Variants in CCL3 observed in about 807,000 individuals in gnomAD.
CCL3 encodes the protein C-C motif chemokine ligand 3.
In CCL3, 6 loss-of-function variants were observed where a neutral mutation model predicts 8.1. The observed-to-expected ratio is 0.74, with a 90% CI of 0.41 to 1.46. CCL3 has a LOEUF of 1.46. CCL3 is among the 40% of genes most tolerant of loss of function. CCL3 has a pLI of 0.02. For missense variants in CCL3, 109 were observed against 117.7 expected, an observed-to-expected ratio of 0.93 and a Z score of 0.34; for synonymous variants, 45 against 45.1, an observed-to-expected ratio of 1.00 and a Z score of 0.01.
chr17:36,089,047 C>T, intron 2 of CCL3, 136 bp downstream of exon 2: 1 of 1,185,990 alleles, frequency 8.4e-7, no homozygotes, highest in East Asian at 2.4e-5. Context: ...TCAGGTCACA[C>T]CTCGGAGCCC....
chr17:36,089,868 T>C (rs113574670), intron 1 of CCL3, 118 bp downstream of exon 1: 1 of 959,140 alleles, frequency 1.0e-6, no homozygotes, highest in Admixed American at 2.0e-5. Context: ...ACCAAGATGT[T>C]TGGCAGCCCT....
At chr17:36,089,863 G>C (rs2067028756) in intron 1 of CCL3, 123 bp downstream of exon 1, 1 of 918,068 alleles carries the variant, frequency 1.1e-6, no homozygotes, top group Non-Finnish European at 1.8e-6. Context: ...GAAAGACCAA[G>C]ATGTTTGGCA....
chr17:36,089,223 A>G lies in CCL3; in HGVS notation c.148T>C (p.Tyr50His), dbSNP rs760328226. The G allele has an allele frequency of 1.2e-6, 2 of 1,614,034 alleles. No individual in the cohort carries two copies. Among genetic ancestry groups the G allele is most frequent in the East Asian group, 4.5e-5 (2 of 44,886 alleles). ...RQIPQNFIAD[Y>H]FETSSQCSKP... The stretch of plus-strand genomic sequence containing the variant: ...GAGCACTGGCTGCTCGTCTCAAAGT[A>G]GTCAGCTATGAAATTCTGTGGAATC... The change falls in exon 2 of 3, where the codon TAC becomes CAC. Residue 50 changes from tyrosine (Y) to histidine (H), a missense_variant. Tyr to His is a moderately conservative substitution (Grantham distance 83, BLOSUM62 2). Coordinates refer to ENST00000613922, the MANE Select transcript of CCL3 (RefSeq NM_002983.3).
chr17:36,089,447 G>T, intron 1 of CCL3, 150 bp from the exon 2 acceptor site: 1 of 816,732 alleles, frequency 1.2e-6, no homozygotes, highest in Non-Finnish European at 2.0e-6. Context: ...ATGTCTCTTT[G>T]TTTCTGTCTG....
rs1289269641 is a variant in CCL3 at position 36,088,361 on chromosome 17, T to G, written c.*311A>C. On this transcript the variant is annotated 3_prime_UTR_variant, in exon 3 of 3. Coordinates refer to ENST00000613922, the MANE Select transcript of CCL3 (RefSeq NM_002983.3). ...AGTCTGGTGGCTTTGGTGCCATGACTGCCTACACAGGCTGATGACAGCCAC... is the reference window on the plus strand; with the variant it reads ...AGTCTGGTGGCTTTGGTGCCATGACGGCCTACACAGGCTGATGACAGCCAC... 7 of 409,774 alleles carry G rather than the reference T, an allele frequency of 1.7e-5. No individual in the cohort carries two copies. The East Asian group carries it at 3.5e-4, about 20-fold the overall frequency. 25.4% of individuals were successfully genotyped at this position (409,774 alleles called of 1,614,324 possible). A position where few individuals can be genotyped will look rare whatever the true frequency, so the allele number is the denominator to read the frequency against.
In CCL3 at chr17:36,088,733, C is replaced by G. The variant is rs147323689; in HGVS notation, c.218G>C (p.Cys73Ser). The G allele has an allele frequency of 3.4e-5, 55 of 1,613,890 alleles. No homozygotes were observed. The African/African-American group carries it at 6.8e-4, about 20-fold the overall frequency. Residue 73 changes from cysteine to serine, a missense_variant, in exon 3 of 3, where the codon TGT becomes TCT. Physicochemically the swap from Cys to Ser is moderately radical, Grantham distance 112 (BLOSUM62 -1). Coordinates refer to ENST00000613922, the MANE Select transcript of CCL3 (RefSeq NM_002983.3). ...GACCCACTCCTCACTGGGGTCAGCA[C>G]AGACCTGCCGGCTTCGCTTGGTTAG... ...IFLTKRSRQV[C>S]ADPSEEWVQK...
At position 36,088,615 on chromosome 17, in the gene CCL3, C is replaced by G. The variant is rs2067007973; in HGVS notation, c.*57G>C. ...CACGCATGTTCCCAAGGCTCAGGCT[C>G]CTGCTCCTCCCCACTGGGCCCACCG... On this transcript the variant is annotated 3_prime_UTR_variant, in exon 3 of 3. Transcript: ENST00000613922. 6.3e-7 allele frequency: 1 copy of G among 1,598,096 alleles called. No homozygotes were observed. The highest frequency in any genetic ancestry group is 1.7e-5 in the Admixed American group (1 of 59,992).
intron 2 of CCL3, 111 bp from the exon 3 acceptor site, chr17:36,088,873 C>T (rs578119387): frequency 6.9e-7 from 1 of 1,444,276 alleles, no homozygotes; most frequent in Non-Finnish European, 9.7e-7. Flanking sequence ...GGGCTTGCTC[C>T]TCTTTCAGGG....
rs1424956901 is a variant in CCL3 at position 36,088,620 on chromosome 17, T to A, written c.*52A>T. 30 of 1,602,322 alleles carry A rather than the reference T, an allele frequency of 1.9e-5. No individual in the cohort carries two copies. The highest frequency in any genetic ancestry group is 1.2e-5 in the Non-Finnish European group (14 of 1,171,006). On this transcript the variant is annotated 3_prime_UTR_variant, in exon 3 of 3. Coordinates refer to ENST00000613922, the MANE Select transcript of CCL3 (RefSeq NM_002983.3). The stretch of plus-strand genomic sequence containing the variant: ...ATGTTCCCAAGGCTCAGGCTCCTGC[T>A]CCTCCCCACTGGGCCCACCGAGGTC...
Position 36,088,717 on chromosome 17 carries a change from C to T in CCL3, c.234G>A (p.Glu78=). 6.2e-7 allele frequency: 1 copy of T among 1,613,786 alleles called. No homozygotes were observed. The highest frequency in any genetic ancestry group is 2.2e-5 in the East Asian group (1 of 44,866). ...CGCTGACATATTTCTGGACCCACTC[C>T]TCACTGGGGTCAGCACAGACCTGCC... The part of the protein sequence containing the change: ...RSRQVCADPS[E]EWVQKYVSDL... The change falls in exon 3 of 3, where the codon GAG becomes GAA. Residue 78 remains glutamate, a synonymous_variant. Transcript: ENST00000613922.
intron 1 of CCL3, chr17:36,089,765 G>A (rs2067026989): frequency 1.4e-6 from 1 of 716,400 alleles, no homozygotes; most frequent in Non-Finnish European, 2.6e-6. Flanking sequence ...AAAAGGGACT[G>A]TAACTCCCCT....
intron 2 of CCL3, 122 bp from the exon 3 acceptor site, chr17:36,088,884 G>C: frequency 7.5e-7 from 1 of 1,341,616 alleles, no homozygotes; most frequent in Non-Finnish European, 1.1e-6. Flanking sequence ...TCTTTCAGGG[G>C]CCCCCTGCCT....
At chr17:36,089,630 G>A (rs111235874) in intron 1 of CCL3, 1 of 635,104 alleles carries the variant, frequency 1.6e-6, no homozygotes, top group East Asian at 3.1e-5. Flanking sequence ...GACATCCAAG[G>A]GACAGAGCTC....
chr17:36,089,109 C>T (rs2067016973), intron 2 of CCL3, 74 bp downstream of exon 2: 13 of 1,585,598 alleles, frequency 8.2e-6, no homozygotes, highest in Non-Finnish European at 1.1e-5. Flanking sequence ...TCCAGGATAG[C>T]CTTCTGGCCT....
At position 36,089,326 on chromosome 17, in the gene CCL3, A is replaced by G. The variant is rs193091792; in HGVS notation, c.74-29T>C. 4.3e-6 allele frequency: 7 copies of G among 1,614,034 alleles called. No individual in the cohort carries two copies. The East Asian group carries it at 6.7e-5, about 15-fold the overall frequency. ...TGGAGAAAGGAAGAGAATGAGCCCG[A>G]GTCACAGCTCAGAAGAAAAGGCCAG... On this transcript the variant is annotated intron_variant, in intron 1 of 2. Transcript: ENST00000613922.
chr17:36,089,884 A>G, intron 1 of CCL3, 102 bp downstream of exon 1: 6 of 1,119,832 alleles, frequency 5.4e-6, no homozygotes, highest in Non-Finnish European at 8.0e-6. Flanking sequence ...GCCCTTTAAG[A>G]AGTTCTCTTT....
Position 36,089,214 on chromosome 17 carries a change from T to C in CCL3, c.157A>G (p.Thr53Ala). The C allele has an allele frequency of 6.2e-7, 1 of 1,613,926 alleles. No homozygotes were observed. Among genetic ancestry groups the C allele is most frequent in the African/African-American group, 1.3e-5 (1 of 74,994 alleles). ...CCGGGCTTGGAGCACTGGCTGCTCGTCTCAAAGTAGTCAGCTATGAAATTC... is the reference window on the plus strand; with the variant it reads ...CCGGGCTTGGAGCACTGGCTGCTCGCCTCAAAGTAGTCAGCTATGAAATTC... Reference protein sequence around the residue: ...PQNFIADYFETSSQCSKPGVI... With the variant: ...PQNFIADYFEASSQCSKPGVI... Residue 53 changes from threonine (T) to alanine (A), a missense_variant, in exon 2 of 3, where the codon ACG (threonine) becomes GCG (alanine). Coordinates refer to ENST00000613922, the MANE Select transcript of CCL3 (RefSeq NM_002983.3).
At chr17:36,089,547 T>C (rs2067023721) in intron 1 of CCL3, 2 of 614,042 alleles carry the variant, frequency 3.3e-6, no homozygotes, top group Non-Finnish European at 5.7e-6. Flanking sequence ...TTATCTCAGT[T>C]CTCTTCAGGG....
Position 36,090,002 on chromosome 17 carries a change from G to A in CCL3, c.57C>T (p.Asn19=). The A allele has an allele frequency of 6.2e-7, 1 of 1,613,954 alleles. No individual in the cohort carries two copies. Among genetic ancestry groups the A allele is most frequent in the Middle Eastern group, 1.7e-4 (1 of 5,920 alleles). The part of the protein sequence containing the change: ...AVLLCTMALC[N]QFSASLAADT... ...CAGACTCACGTGATGCAGAGAACTG[G>A]TTGCAGAGAGCCATGGTGCAGAGGA... The change falls in exon 1 of 3, where the codon AAC becomes AAT. Residue 19 remains asparagine (N), a synonymous_variant. Transcript: ENST00000613922.
Sources: gnomAD v4.1 joint callset for allele counts on GRCh38, gnomAD v4.1.1 for gene constraint, MANE v1.5 for transcripts, NCBI Gene and HGNC (gene_info 2026-07-23, HGNC 2026-07-21) for gene names.